The following SHANK2 variants were observed in gnomAD, a reference collection of about 807,000 sequenced individuals.
The protein encoded by SHANK2 is SH3 and multiple ankyrin repeat domains 2.
In SHANK2, 43 loss-of-function variants were observed where a neutral mutation model predicts 133.7. That is an observed-to-expected ratio of 0.32 (90% CI 0.25 to 0.41). SHANK2 has a LOEUF of 0.41. SHANK2 is among the 10% of genes least tolerant of loss of function. The probability of loss-of-function intolerance (pLI) is 1.00; values close to 1 mark genes in which losing one functional copy is unlikely to be tolerated. For synonymous variants in SHANK2, 1,017 were observed against 952.8 expected (o/e 1.07, Z -1.24); for missense variants, 1,994 against 2,235.8 (o/e 0.89, Z 2.18).
chr11:71,155,914 G>A lies in SHANK2; in HGVS notation c.-12-8576C>T, dbSNP rs184780816. Among the ~76,000 whole-genome samples, 273 of 152,282 alleles carry A rather than the reference G, an allele frequency of 1.8e-3. 1 individual carries two copies. The highest frequency in any genetic ancestry group is 5.9e-4 in the Non-Finnish European group (40 of 68,020). On this transcript the variant is annotated intron_variant, in intron 2 of 25. Transcript: ENST00000601538. ...GGAAAAGTGACAGTATTGGAGACAG[G>A]GCCTTTAAAAAGGTACTTAAGGTTC...
intron 3 of SHANK2, among the ~76,000 whole-genome samples, chr11:71,134,466 G>A (rs1191271357): frequency 9.8e-5 from 14 of 143,412 alleles, no homozygotes; most frequent in African/African-American, 3.4e-4. Context: ...TTGAGACGGA[G>A]TCTTGCTCTG....
intron 17 of SHANK2, among the ~76,000 whole-genome samples, chr11:70,526,868 G>A (rs539789685): frequency 8.9e-5 from 13 of 146,092 alleles, no homozygotes; most frequent in African/African-American, 3.3e-4. Context: ...ATCACATCCC[G>A]GGGGAGCCCC....
At chr11:70,689,127 C>A (rs1945221642) in intron 15 of SHANK2, among the ~76,000 whole-genome samples, 1 of 152,160 alleles carries the variant, frequency 6.6e-6, no homozygotes, top group African/African-American at 2.4e-5. Flanking sequence ...ACAAAGAGAT[C>A]CGGAAACCAC....
intron 17 of SHANK2, among the ~76,000 whole-genome samples, chr11:70,612,991 G>A (rs1484172045): frequency 6.6e-6 from 1 of 152,090 alleles, no homozygotes; most frequent in Non-Finnish European, 1.5e-5. Context: ...TTGTTCACAG[G>A]CACTTGCATC....
chr11:71,122,126 C>A (rs1256719350), intron 3 of SHANK2, among the ~76,000 whole-genome samples: 1 of 152,176 alleles, frequency 6.6e-6, no homozygotes, highest in Admixed American at 6.5e-5. Flanking sequence ...TACCATTTGA[C>A]CCAGTGATCC....
chr11:70,700,620 C>T (rs1353752855), intron 14 of SHANK2, among the ~76,000 whole-genome samples: 3 of 152,228 alleles, frequency 2.0e-5, no homozygotes, highest in African/African-American at 7.2e-5. Context: ...TGCAGGAGGA[C>T]ACCTGTGCCC....
At chr11:70,749,307 C>T (rs782501724) in intron 14 of SHANK2, among the ~76,000 whole-genome samples, 9 of 152,188 alleles carry the variant, frequency 5.9e-5, no homozygotes, top group Non-Finnish European at 8.8e-5. Flanking sequence ...CCCCGAAGCA[C>T]GCATGTGTAG....
intron 1 of SHANK2, among the ~76,000 whole-genome samples, chr11:71,233,721 T>C (rs188980045): frequency 1.3e-5 from 2 of 152,326 alleles, no homozygotes; most frequent in East Asian, 1.9e-4. Flanking sequence ...CTTCCCCCAG[T>C]AGCGAATAAC....
chr11:71,146,974 G>T (rs1952662884), intron 3 of SHANK2, 146 bp downstream of exon 3: 1 of 646,024 alleles, frequency 1.5e-6, no homozygotes. Context: ...GGGGGACGGG[G>T]GCAGAAGTAT....
chr11:70,515,630 G>A (rs1039477002), intron 17 of SHANK2, among the ~76,000 whole-genome samples: 19 of 88,842 alleles, frequency 2.1e-4, no homozygotes, highest in African/African-American at 4.5e-4. Context: ...GTGAGACCTC[G>A]TTCCTTGAAA....
chr11:70,796,274 C>T (rs1404773800), intron 14 of SHANK2, among the ~76,000 whole-genome samples: 4 of 152,164 alleles, frequency 2.6e-5, no homozygotes, highest in Non-Finnish European at 5.9e-5. Context: ...GCCCTGCTTC[C>T]TCCTGCACAC....
At chr11:70,613,306 C>T (rs2060688339) in intron 17 of SHANK2, among the ~76,000 whole-genome samples, 1 of 151,972 alleles carries the variant, frequency 6.6e-6, no homozygotes, top group Non-Finnish European at 1.5e-5. Context: ...CAGGTTCATG[C>T]CATTCTCCTG....
chr11:70,725,191 G>A (rs1358726419), intron 14 of SHANK2, among the ~76,000 whole-genome samples: 1 of 152,168 alleles, frequency 6.6e-6, no homozygotes, highest in Non-Finnish European at 1.5e-5. Context: ...TGTACTAAAG[G>A]GAGGGATGTT....
At chr11:71,170,989 G>T (rs1014988731) in intron 2 of SHANK2, among the ~76,000 whole-genome samples, 26 of 152,332 alleles carry the variant, frequency 1.7e-4, no homozygotes, top group African/African-American at 5.5e-4. Flanking sequence ...TGGGGACTGG[G>T]CGTCCAAGAT....
At chr11:70,705,789 C>G (rs1299342227) in intron 14 of SHANK2, 4 of 152,302 alleles carry the variant, frequency 2.6e-5, no homozygotes, top group African/African-American at 4.8e-5. Context: ...TACATGGAGG[C>G]TAGCAGTTAC....
intron 14 of SHANK2, among the ~76,000 whole-genome samples, chr11:70,756,701 A>C (rs1032371868): frequency 2.7e-4 from 41 of 151,932 alleles, no homozygotes; most frequent in Non-Finnish European, 5.4e-4. Flanking sequence ...TCGGCTGCAC[A>C]CTCTGGGGCA....
chr11:70,836,040 A>G (rs1315739051), intron 11 of SHANK2, among the ~76,000 whole-genome samples: 1 of 152,134 alleles, frequency 6.6e-6, no homozygotes, highest in African/African-American at 2.4e-5. Flanking sequence ...AAGAGAGCCC[A>G]CCAAGGTGCA....
intron 17 of SHANK2, among the ~76,000 whole-genome samples, chr11:70,595,236 T>A (rs182189850): frequency 3.2e-4 from 48 of 152,216 alleles, no homozygotes; most frequent in Non-Finnish European, 5.3e-4. Flanking sequence ...GGAGGGCAGT[T>A]TGAAGGGTGC....
At chr11:70,761,382 T>C (rs552040111) in intron 14 of SHANK2, among the ~76,000 whole-genome samples, 9 of 152,128 alleles carry the variant, frequency 5.9e-5, no homozygotes, top group Non-Finnish European at 1.0e-4. Flanking sequence ...TCCAGCACTG[T>C]GAGAAAATCG....
Sources: gnomAD v4.1 joint callset for allele counts (sites outside exome capture counted in the v4.1 genomes callset) on GRCh38, gnomAD v4.1.1 for gene constraint, MANE v1.5 for transcripts, NCBI Gene and HGNC (gene_info 2026-07-23, HGNC 2026-07-21) for gene names.